The following COL4A3 variants were observed in gnomAD, a reference collection of about 807,000 sequenced individuals.
COL4A3 encodes the protein collagen alpha-3(IV) chain.
Under a neutral mutation model 217.4 loss-of-function variants are expected in COL4A3, and 135 were observed. The ratio of observed to expected loss-of-function variants is 0.62; its 90% CI spans 0.54 to 0.72. COL4A3 has a LOEUF of 0.72. Among genes scored for constraint, COL4A3 ranks in the 30% least tolerant of loss-of-function variants. The pLI is 0.00. For synonymous variants in COL4A3, 690 were observed against 736.3 expected (o/e 0.94, Z 1.02); for missense variants, 1,868 against 2,119.9 (o/e 0.88, Z 2.33).
intron 21 of COL4A3, chr2:227,266,009 G>C (rs2070866311): frequency 4.6e-6 from 1 of 217,172 alleles, no homozygotes; most frequent in Non-Finnish European, 9.3e-6. Context: ...TACAAGAACA[G>C]CATGAGGGTA....
intron 1 of COL4A3, among the ~76,000 whole-genome samples, chr2:227,183,546 CA>C (rs2065923390): frequency 6.6e-6 from 1 of 152,100 alleles, no homozygotes; most frequent in South Asian, 2.1e-4. Flanking sequence ...AGGGGGCATA[CA>C]GGTAGAAGAT....
intron 1 of COL4A3, among the ~76,000 whole-genome samples, chr2:227,214,999 G>T (rs1256722059): frequency 6.6e-6 from 1 of 152,172 alleles, no homozygotes; most frequent in East Asian, 1.9e-4. Context: ...TGTCTGAAAC[G>T]TATACTGGAT....
chr2:227,240,092 G>A, intron 2 of COL4A3, 51 bp from the exon 3 acceptor site: 1 of 1,392,082 alleles, frequency 7.2e-7, no homozygotes, highest in Non-Finnish European at 1.0e-6. Flanking sequence ...TGTGTTTATT[G>A]TGGGATAGTT....
Position 227,290,899 on chromosome 2 carries a change from C to T in COL4A3, c.3210+13C>T, listed in dbSNP as rs1338120639. 6.2e-7 allele frequency: 1 copy of T among 1,607,748 alleles called. No individual in the cohort carries two copies. The highest frequency in any genetic ancestry group is 1.7e-5 in the Admixed American group (1 of 59,520). On this transcript the variant is annotated intron_variant, in intron 37 of 51. Coordinates refer to ENST00000396578, the MANE Select transcript of COL4A3 (RefSeq NM_000091.5). ...ACCGGGACCAACGGTATATAGGCCA[C>T]TGAAATATTTACATTTTAGTGGTGG...
rs772033741 is a variant in COL4A3 at position 227,250,014 on chromosome 2, G to A, written c.547-1126G>A. 3.3e-5 allele frequency among the ~76,000 whole-genome samples: 5 copies of A among 152,120 alleles called. No individual in the cohort carries two copies. The highest frequency in any genetic ancestry group is 7.4e-5 in the Non-Finnish European group (5 of 68,008). ...TAGGAATACAGTAGGGCATAAATCA[G>A]CCAAAATATAGATTTAAGGCTGGGC... On this transcript the variant is annotated intron_variant, in intron 9 of 51. Coordinates refer to ENST00000396578, the MANE Select transcript of COL4A3 (RefSeq NM_000091.5). This position sits in a 1 kb window ranked among gnomAD's most constrained non-coding sequence, Gnocchi z 4.1.
At chr2:227,173,793 T>A (rs958404092) in intron 1 of COL4A3, among the ~76,000 whole-genome samples, 6 of 152,264 alleles carry the variant, frequency 3.9e-5, no homozygotes, top group African/African-American at 1.2e-4. Context: ...ATTAATGAGA[T>A]ATTTTACAGA....
chr2:227,246,735 C>A lies in COL4A3; in HGVS notation c.438C>A (p.Ile146=). 2 of 1,611,852 alleles carry A rather than the reference C, an allele frequency of 1.2e-6. No homozygotes were observed. Among genetic ancestry groups the A allele is most frequent in the Non-Finnish European group, 1.7e-6 (2 of 1,178,082 alleles). The change falls in exon 7 of 52, where the codon ATC becomes ATA. Residue 146 remains isoleucine, a synonymous_variant. Coordinates refer to ENST00000396578, the MANE Select transcript of COL4A3 (RefSeq NM_000091.5). Reference sequence around the variant, plus strand: ...CAGGGACACTGGGCTACCCAGGGATCCCGGTAGGTTTGCATGCCTAATTCC... The same window carrying A: ...CAGGGACACTGGGCTACCCAGGGATACCGGTAGGTTTGCATGCCTAATTCC... ...GLPGTLGYPG[I]PGAAGLKGQK...
At chr2:227,190,475 G>A (rs74478171) in intron 1 of COL4A3, among the ~76,000 whole-genome samples, 2,562 of 152,240 alleles carry the variant, frequency 0.017, 80 homozygotes, top group African/African-American at 0.058. Flanking sequence ...AAATAGATAT[G>A]TTTTATATGT....
intron 1 of COL4A3, among the ~76,000 whole-genome samples, chr2:227,212,467 T>A (rs1254989154): frequency 6.6e-6 from 1 of 152,210 alleles, no homozygotes; most frequent in Non-Finnish European, 1.5e-5. Flanking sequence ...AGAGAAACTT[T>A]GCATTGTTTT....
rs2106301588 is a variant in COL4A3 at position 227,313,050 on chromosome 2, A to T, written c.*1180A>T. ...TAACTTGGCCGCTGTATGTCTTAAAACCTGCTTTTCAATGTGTTGATACAT... is the reference window on the plus strand; with the variant it reads ...TAACTTGGCCGCTGTATGTCTTAAATCCTGCTTTTCAATGTGTTGATACAT... On this transcript the variant is annotated 3_prime_UTR_variant, in exon 52 of 52. Transcript: ENST00000396578. 6.6e-6 allele frequency: 1 copy of T among 152,636 alleles called. No individual in the cohort carries two copies. The highest frequency in any genetic ancestry group is 2.1e-4 in the South Asian group (1 of 4,824). The allele number at this position is 152,636 out of a possible 1,614,324, so 9.5% of individuals were successfully genotyped here.
intron 22 of COL4A3, among the ~76,000 whole-genome samples, 166 bp downstream of exon 22, chr2:227,266,675 T>G (rs534300663): frequency 5.9e-5 from 9 of 152,246 alleles, no homozygotes; most frequent in Non-Finnish European, 1.2e-4. Context: ...AATAATTTAT[T>G]TGGCACCCAT....
intron 1 of COL4A3, among the ~76,000 whole-genome samples, chr2:227,179,031 A>G (rs1453622502): frequency 6.6e-6 from 1 of 152,144 alleles, no homozygotes; most frequent in Non-Finnish European, 1.5e-5. Context: ...GGCTCACTGC[A>G]GCCTCAACCT....
rs558593993 is a variant in COL4A3 at position 227,300,060 on chromosome 2, A to T, written c.3882+1248A>T. On this transcript the variant is annotated intron_variant, in intron 43 of 51. Transcript: ENST00000396578. ...CTGGATAAATACTTGGTTCTTTCAA[A>T]TTCAGTTTAACTATTTATCAGCCTT... Among the ~76,000 whole-genome samples the T allele has an allele frequency of 1.2e-4, 18 of 152,248 alleles. 1 individual carries two copies. The South Asian group carries it at 3.7e-3, about 32-fold the overall frequency.
rs971677230 is a variant in COL4A3 at position 227,312,257 on chromosome 2, A to C, written c.*387A>C. ...TGTCTTTAAGACTCAGGGAGGCTAA[A>C]TCAGTGTTTGATTGCCCCGCCAACC... On this transcript the variant is annotated 3_prime_UTR_variant, in exon 52 of 52. Coordinates refer to ENST00000396578, the MANE Select transcript of COL4A3 (RefSeq NM_000091.5). The C allele has an allele frequency of 1.5e-5, 4 of 267,216 alleles. No individual in the cohort carries two copies. Among genetic ancestry groups the C allele is most frequent in the Non-Finnish European group, 2.9e-5 (4 of 136,592 alleles). 16.6% of individuals were successfully genotyped at this position (267,216 alleles called of 1,614,324 possible). A position where few individuals can be genotyped will look rare whatever the true frequency, so the allele number is the denominator to read the frequency against.
intron 1 of COL4A3, among the ~76,000 whole-genome samples, chr2:227,179,137 A>T (rs1423643575): frequency 2.0e-5 from 3 of 151,042 alleles, no homozygotes; most frequent in Admixed American, 6.6e-5. Context: ...TTTTTTGTAG[A>T]CTGGGGTTTC....
intron 1 of COL4A3, among the ~76,000 whole-genome samples, chr2:227,179,352 G>C (rs936678495): frequency 1.3e-5 from 2 of 152,100 alleles, no homozygotes; most frequent in Non-Finnish European, 2.9e-5. Context: ...AGATAAATTT[G>C]AGTTTTAAAA....
chr2:227,297,776 T>A lies in COL4A3; in HGVS notation c.3668T>A (p.Phe1223Tyr), dbSNP rs1553764151. The change falls in exon 42 of 52, where the codon TTC (phenylalanine) becomes TAC (tyrosine). Residue 1223 changes from phenylalanine to tyrosine, a missense_variant. This residue lies in a region of COL4A3 where 1,503 missense variants were observed against 1,786.1 expected (regional missense o/e 0.84). Coordinates refer to ENST00000396578, the MANE Select transcript of COL4A3 (RefSeq NM_000091.5). ...CGAGGACCCACAGGCATAGAAGGAT[T>A]CCCAGGGCCACCAGGTCTGCCCGGT... ...GPRGPTGIEGFPGPPGLPGAI... is the reference protein window; with the variant it reads ...GPRGPTGIEGYPGPPGLPGAI... 2 of 1,590,756 alleles carry A rather than the reference T, an allele frequency of 1.3e-6. No homozygotes were observed. The highest frequency in any genetic ancestry group is 1.2e-5 in the South Asian group (1 of 86,934).
chr2:227,302,705 A>AAAAAAAAAAAAAAAAAAC (rs1491012971), intron 43 of COL4A3, among the ~76,000 whole-genome samples: 1 of 141,960 alleles, frequency 7.0e-6, no homozygotes, highest in African/African-American at 2.6e-5. Context: ...AAAAAAAAAA[A>AAAAAAAAAAAAAAAAAAC]ATCATTCTGG....
chr2:227,180,922 G>T (rs2065849840), intron 1 of COL4A3, among the ~76,000 whole-genome samples: 1 of 152,138 alleles, frequency 6.6e-6, no homozygotes, highest in Admixed American at 6.6e-5. Flanking sequence ...ATTATTCAGT[G>T]CATTCTTTGC....
Sources: allele counts gnomAD v4.1 joint callset (sites outside exome capture counted in the v4.1 genomes callset), GRCh38; gene constraint gnomAD v4.1.1; regional missense constraint gnomAD v4.1.1; non-coding constraint Gnocchi (gnomAD v3.1); transcripts MANE v1.5; gene names NCBI Gene and HGNC (gene_info 2026-07-23, HGNC 2026-07-21).